The following ACOT11 variants were observed in gnomAD, a reference collection of about 807,000 sequenced individuals.
ACOT11 encodes acyl-CoA thioesterase 11.
In ACOT11, 69 loss-of-function variants were observed where a neutral mutation model predicts 77.5. The observed-to-expected ratio is 0.89, with a 90% CI of 0.73 to 1.09. ACOT11 has a LOEUF of 1.09. Ranked by LOEUF, ACOT11 falls within the 50% of genes least tolerant of loss-of-function variation. ACOT11 has a pLI of 0.00. For missense variants in ACOT11, 766 were observed against 813.7 expected (o/e 0.94, Z 0.71); for synonymous variants, 279 against 313.0 (o/e 0.89, Z 1.15).
intron 16 of ACOT11, chr1:54,634,584 C>G: frequency 1.5e-6 from 1 of 669,548 alleles, no homozygotes; most frequent in Admixed American, 2.2e-5. Context: ...ACAGCCCATA[C>G]ACAATTGAAT....
intron 1 of ACOT11, among the ~76,000 whole-genome samples, chr1:54,579,324 G>T (rs1347952502): frequency 6.6e-6 from 1 of 152,038 alleles, no homozygotes; most frequent in Non-Finnish European, 1.5e-5. Context: ...CTCTTATTTG[G>T]TTCCTTAACT....
rs552635961 is a variant in ACOT11 at position 54,629,038 on chromosome 1, G to A, written c.1630-1696G>A. Among the ~76,000 whole-genome samples, 11 of 102,118 alleles carry A rather than the reference G, an allele frequency of 1.1e-4. 1 individual carries two copies. The South Asian group carries it at 3.5e-3, about 33-fold the overall frequency. The allele number at this position is 102,118 out of a possible 152,430, so 67.0% of individuals were successfully genotyped here. A position where few individuals can be genotyped will look rare whatever the true frequency, so the allele number is the denominator to read the frequency against. On this transcript the variant is annotated intron_variant, in intron 15 of 16. Transcript: ENST00000371316. ...TGTACTGCCGCACTCCAGCCTGGGC[G>A]ACAGAGCAAGACTCCGTCTCAAAAA... is the stretch of plus-strand genomic sequence containing the variant.
At position 54,608,969 on chromosome 1, in the gene ACOT11, A is replaced by G; in HGVS notation, c.1642A>G (p.Asn548Asp). The G allele has an allele frequency of 6.2e-7, 1 of 1,613,884 alleles. No individual in the cohort carries two copies. The highest frequency in any genetic ancestry group is 2.2e-5 in the East Asian group (1 of 44,866). ...GDQLTKVSYY[N>D]QATPGVLNYV... ...TCCCACCCTGCAGGTATCCTACTAC[A>G]ACCAGGCCACCCCAGGTGTTCTCAA... Residue 548 changes from asparagine to aspartate, a missense_variant, in exon 16 of 16, where the codon AAC (asparagine) becomes GAC (aspartate). By Grantham distance (23) the Asn-to-Asp change is conservative (BLOSUM62 1). Transcript: ENST00000343744.
At chr1:54,583,246 C>T (rs1231461861) in intron 1 of ACOT11, among the ~76,000 whole-genome samples, 1 of 152,100 alleles carries the variant, frequency 6.6e-6, no homozygotes, top group Non-Finnish European at 1.5e-5. Flanking sequence ...CCCAGGGGCT[C>T]TTGGGAATAA....
chr1:54,612,624 C>T, downstream of ACOT11: 1 of 1,614,120 alleles, frequency 6.2e-7, no homozygotes, highest in Admixed American at 1.7e-5. Flanking sequence ...GGTGTACGTC[C>T]TGTTTGGGGA....
exon 17 of ACOT11, chr1:54,635,552 A>T (rs1333582823): frequency 9.8e-6 from 2 of 204,940 alleles, no homozygotes; most frequent in Non-Finnish European, 1.9e-5. Context: ...TAAAAGAACA[A>T]ATATGTAAAG....
intron 1 of ACOT11, chr1:54,548,680 A>G: frequency 2.6e-6 from 1 of 382,958 alleles, no homozygotes; most frequent in Non-Finnish European, 4.7e-6. Flanking sequence ...TCTGAGCTCC[A>G]TGGCCTTGTG....
rs1557659492 is a variant in ACOT11, at chr1:54,592,599, G to T, written c.365G>T (p.Ser122Ile). 6.2e-7 allele frequency: 1 copy of T among 1,613,550 alleles called. No individual in the cohort carries two copies. Among genetic ancestry groups the T allele is most frequent in the Admixed American group, 1.7e-5 (1 of 59,948 alleles). Reference protein sequence around the residue: ...KAKVNRAFNSSMEVGIQVASE... With the variant: ...KAKVNRAFNSIMEVGIQVASE... ...AAGGTGAACCGGGCCTTCAACTCCA[G>T]CATGGAGGTGTGTGGGGTGGGCACT... The change falls in exon 4 of 16, where the codon AGC becomes ATC. Residue 122 changes from serine (S) to isoleucine (I), a missense_variant. Coordinates refer to ENST00000343744, the MANE Select transcript of ACOT11 (RefSeq NM_147161.4).
chr1:54,582,342 CTGTT>C, intron 1 of ACOT11: 3 of 647,890 alleles, frequency 4.6e-6, no homozygotes, highest in Non-Finnish European at 5.7e-6. Context: ...AAGTCCGTCT[CTGTT>C]TGTCCCTCCA....
chr1:54,606,190 A>G (rs940162864), intron 13 of ACOT11, among the ~76,000 whole-genome samples: 1 of 152,156 alleles, frequency 6.6e-6, no homozygotes, highest in Non-Finnish European at 1.5e-5. Context: ...CCCTTCCAGA[A>G]GGCAGAGAGG....
chr1:54,612,324 C>A (rs1644127505), downstream of ACOT11, among the ~76,000 whole-genome samples: 1 of 151,692 alleles, frequency 6.6e-6, no homozygotes, highest in South Asian at 2.1e-4. Context: ...TAGCCCGTCA[C>A]CAGAGGTATG....
chr1:54,638,608 T>G (rs1644343568), exon 17 of ACOT11: 1 of 152,106 alleles, frequency 6.6e-6, no homozygotes, highest in Non-Finnish European at 1.5e-5. Context: ...TCTGCCCGCC[T>G]TGGCCTGCTA....
rs776963143 is a variant in ACOT11 at position 54,609,887 on chromosome 1, T to C, written c.*775T>C. On this transcript the variant is annotated 3_prime_UTR_variant, in exon 16 of 16. Coordinates refer to ENST00000343744, the MANE Select transcript of ACOT11 (RefSeq NM_147161.4). Reference sequence around the variant, plus strand: ...TGGAGTATGAACAATGGGCACGGGGTTTTCAGCCACAGTTCCCTCGAGGCC... The same window carrying C: ...TGGAGTATGAACAATGGGCACGGGGCTTTCAGCCACAGTTCCCTCGAGGCC... The C allele has an allele frequency of 5.0e-6, 8 of 1,612,396 alleles. No homozygotes were observed.
chr1:54,628,929 C>T (rs1380951151), intron 15 of ACOT11, among the ~76,000 whole-genome samples: 1 of 130,418 alleles, frequency 7.7e-6, no homozygotes, highest in African/African-American at 2.6e-5. Context: ...TGTGGTGGCT[C>T]ATGCCTGTGA....
At chr1:54,597,997 A>T (rs933193733) in intron 7 of ACOT11, 1 of 153,338 alleles carries the variant, frequency 6.5e-6, no homozygotes, top group African/African-American at 2.4e-5. Context: ...GACCTTCACT[A>T]ATTGACACTC....
In ACOT11 at chr1:54,584,970, T is replaced by G; in HGVS notation, c.241+108T>G. The G allele has an allele frequency of 8.1e-7, 1 of 1,229,260 alleles. No individual in the cohort carries two copies. The highest frequency in any genetic ancestry group is 1.5e-5 in the South Asian group (1 of 68,310). 76.1% of individuals were successfully genotyped at this position (1,229,260 alleles called of 1,614,324 possible). On this transcript the variant is annotated intron_variant, in intron 2 of 15. Transcript: ENST00000343744. This position sits in a 1 kb window ranked among gnomAD's most constrained non-coding sequence, Gnocchi z 6.3. ...CCCTAAGTGCCACACTTGTTTCTCA[T>G]CTTGGCCTTTGCTCATGCTGGTCCC...
In ACOT11 at chr1:54,607,042, A is replaced by G; in HGVS notation, c.1371-92A>G. The G allele has an allele frequency of 6.5e-7, 1 of 1,537,486 alleles. No individual in the cohort carries two copies. On this transcript the variant is annotated intron_variant, in intron 13 of 15. Coordinates refer to ENST00000343744, the MANE Select transcript of ACOT11 (RefSeq NM_147161.4). The surrounding 1 kb of genome is among the most constrained non-coding windows in gnomAD (Gnocchi z 4.5). ...TGACATCCCATCACAGAAGCTGCTCAGGCACTGCAGTGTGGCAGGGCCCGG... is the reference window on the plus strand; with the variant it reads ...TGACATCCCATCACAGAAGCTGCTCGGGCACTGCAGTGTGGCAGGGCCCGG...
At chr1:54,593,719 T>G (rs1297725424) in intron 4 of ACOT11, among the ~76,000 whole-genome samples, 4 of 152,160 alleles carry the variant, frequency 2.6e-5, no homozygotes, top group Non-Finnish European at 5.9e-5. Flanking sequence ...ATGAGGAAAC[T>G]GAGACCCAGA....
rs114998421 is a variant in ACOT11 at position 54,580,166 on chromosome 1, C to A, written c.34-4489C>A. On this transcript the variant is annotated intron_variant, in intron 1 of 15. Coordinates refer to ENST00000343744, the MANE Select transcript of ACOT11 (RefSeq NM_147161.4). Reference sequence around the variant, plus strand: ...GTAGCAGCTTGCTCAAGGTTATCAACGTTAGTTGTGGAATTGGACTTGAAC... The same window carrying A: ...GTAGCAGCTTGCTCAAGGTTATCAAAGTTAGTTGTGGAATTGGACTTGAAC... Among the ~76,000 whole-genome samples the A allele has an allele frequency of 9.1e-3, 1,383 of 152,218 alleles. 19 individuals are homozygous for A. The highest frequency in any genetic ancestry group is 0.032 in the African/African-American group (1,313 of 41,522).
Sources: gnomAD v4.1 joint callset for allele counts (sites outside exome capture counted in the v4.1 genomes callset) on GRCh38, gnomAD v4.1.1 for gene constraint, Gnocchi (gnomAD v3.1) non-coding constraint, MANE v1.5 for transcripts, NCBI Gene and HGNC (gene_info 2026-07-23, HGNC 2026-07-21) for gene names.